The following TTC28 variants were observed in gnomAD, a reference collection of about 807,000 sequenced individuals.
The protein encoded by TTC28 is tetratricopeptide repeat protein 28.
A neutral mutation model predicts 198.0 loss-of-function variants in TTC28; 61 were observed. The ratio of observed to expected loss-of-function variants is 0.31; its 90% confidence interval spans 0.25 to 0.38. TTC28 has a LOEUF of 0.38. Among genes scored for constraint, TTC28 ranks in the 10% least tolerant of loss-of-function variants. The pLI is 1.00. For missense variants in TTC28, 2,678 were observed against 3,164.0 expected, an observed-to-expected ratio of 0.85 and a Z score of 3.69; for synonymous variants, 1,171 against 1,297.8, an observed-to-expected ratio of 0.90 and a Z score of 2.10.
chr22:28,171,040 A>G (rs1601424206), intron 5 of TTC28, among the ~76,000 whole-genome samples: 1 of 148,336 alleles, frequency 6.7e-6, no homozygotes, highest in South Asian at 2.1e-4. Context: ...TTTTTGTCTT[A>G]AAGGTTTTAA....
intron 2 of TTC28, among the ~76,000 whole-genome samples, chr22:28,489,947 A>C (rs1216388407): frequency 6.6e-6 from 1 of 152,160 alleles, no homozygotes; most frequent in Non-Finnish European, 1.5e-5. Flanking sequence ...GGAGCCAGAG[A>C]GCCAGTCTGA....
At chr22:28,184,119 T>C (rs1287517520) in intron 5 of TTC28, among the ~76,000 whole-genome samples, 1 of 152,140 alleles carries the variant, frequency 6.6e-6, no homozygotes. Flanking sequence ...TCCTTATCTA[T>C]AAAATGGGGG....
At chr22:28,035,588 A>G (rs1400293375) in intron 12 of TTC28, among the ~76,000 whole-genome samples, 1 of 152,216 alleles carries the variant, frequency 6.6e-6, no homozygotes, top group Non-Finnish European at 1.5e-5. Flanking sequence ...TACCATGGGC[A>G]CTTACTAGGT....
chr22:28,320,540 T>A (rs1275959898), intron 2 of TTC28, among the ~76,000 whole-genome samples: 2 of 152,210 alleles, frequency 1.3e-5, no homozygotes, highest in African/African-American at 2.4e-5. Flanking sequence ...CTTTGGCTTC[T>A]TATCAAATTT....
chr22:28,413,444 G>A (rs927549258), intron 2 of TTC28, among the ~76,000 whole-genome samples: 2 of 151,836 alleles, frequency 1.3e-5, no homozygotes, highest in Admixed American at 6.6e-5. Context: ...GTTTCTAGTC[G>A]TCTGATGTAC....
At chr22:28,345,842 A>C (rs1412703665) in intron 2 of TTC28, among the ~76,000 whole-genome samples, 2 of 152,226 alleles carry the variant, frequency 1.3e-5, no homozygotes, top group Non-Finnish European at 2.9e-5. Context: ...ACTGATATTA[A>C]AGTATTTAAA....
chr22:28,139,330 A>G lies in TTC28; in HGVS notation c.1441+23762T>C, dbSNP rs147204466. Among the ~76,000 whole-genome samples the G allele has an allele frequency of 1.0e-3, 152 of 152,346 alleles. 1 individual carries two copies. Among genetic ancestry groups the G allele is most frequent in the African/African-American group, 3.5e-3 (144 of 41,576 alleles). On this transcript the variant is annotated intron_variant, in intron 6 of 22. Coordinates refer to ENST00000397906, the MANE Select transcript of TTC28 (RefSeq NM_001145418.2). Reference sequence around the variant, plus strand: ...TGTAAGAAAGTAGCAACTGCTTCCAAGACCTGGTGAGCTCCATTTCTGTGG... The same window carrying G: ...TGTAAGAAAGTAGCAACTGCTTCCAGGACCTGGTGAGCTCCATTTCTGTGG...
intron 2 of TTC28, among the ~76,000 whole-genome samples, chr22:28,354,684 A>G (rs970143285): frequency 3.9e-5 from 6 of 152,162 alleles, no homozygotes; most frequent in Admixed American, 6.5e-5. Context: ...TATGTTATGC[A>G]TATTTTACCA....
Position 28,186,362 on chromosome 22 carries a change from C to T in TTC28, c.934-22763G>A, listed in dbSNP as rs546723688. ...CGGAATGAAAAGCTTTGAGAATGTT[C>T]CTAGCCTAGGTCTGGTTAATGTGTC... On this transcript the variant is annotated intron_variant, in intron 5 of 22. Coordinates refer to ENST00000397906, the MANE Select transcript of TTC28 (RefSeq NM_001145418.2). Among the ~76,000 whole-genome samples the T allele has an allele frequency of 3.9e-5, 6 of 152,240 alleles. No homozygotes were observed. In the East Asian group the frequency reaches 1.2e-3, roughly 29 times the overall value.
chr22:28,652,797 C>T (rs2051583552), intron 1 of TTC28, among the ~76,000 whole-genome samples: 1 of 152,124 alleles, frequency 6.6e-6, no homozygotes, highest in African/African-American at 2.4e-5. Flanking sequence ...AGATGAGACA[C>T]CAGGTTAAGC....
rs532224408 is a variant in TTC28, at chr22:28,603,767, A to G, written c.381+25785T>C. ...AGTCCTCTTGAAAACTGAAAACAGTATAATACTTCTGAAATATTAGTAAAT... is the reference window on the plus strand; with the variant it reads ...AGTCCTCTTGAAAACTGAAAACAGTGTAATACTTCTGAAATATTAGTAAAT... On this transcript the variant is annotated intron_variant, in intron 2 of 22. Coordinates refer to ENST00000397906, the MANE Select transcript of TTC28 (RefSeq NM_001145418.2). 2.0e-5 allele frequency among the ~76,000 whole-genome samples: 3 copies of G among 152,302 alleles called. No homozygotes were observed. The South Asian group carries it at 6.2e-4, about 32-fold the overall frequency.
At chr22:28,674,520 G>A (rs752837609) in intron 1 of TTC28, among the ~76,000 whole-genome samples, 10 of 152,100 alleles carry the variant, frequency 6.6e-5, no homozygotes, top group East Asian at 3.9e-4. Flanking sequence ...CATAAGATGC[G>A]TAAGAGTTAA....
At chr22:28,136,299 C>G (rs752184333) in intron 6 of TTC28, among the ~76,000 whole-genome samples, 11 of 152,074 alleles carry the variant, frequency 7.2e-5, no homozygotes, top group Non-Finnish European at 1.0e-4. Flanking sequence ...CATGCACCAC[C>G]ACACCCAGCT....
intron 2 of TTC28, among the ~76,000 whole-genome samples, chr22:28,341,659 G>C (rs1316484662): frequency 6.6e-6 from 1 of 151,968 alleles, no homozygotes; most frequent in Non-Finnish European, 1.5e-5. Flanking sequence ...GGGCGTGGTG[G>C]CATGCCTGTA....
intron 13 of TTC28, among the ~76,000 whole-genome samples, chr22:28,019,765 GC>G (rs369959453): frequency 7.4e-4 from 113 of 152,328 alleles, no homozygotes; most frequent in Admixed American, 1.4e-3. Flanking sequence ...ACTTCTCTTT[GC>G]CTCAGCTCTC....
intron 5 of TTC28, among the ~76,000 whole-genome samples, chr22:28,171,696 TTAGAAAA>T (rs1448751285): frequency 6.6e-6 from 1 of 151,842 alleles, no homozygotes; most frequent in African/African-American, 2.4e-5. Context: ...ACAAAAAGAC[TTAGAAAA>T]TAGAGAGGAA....
rs192381178 is a variant in TTC28 at position 28,262,846 on chromosome 22, G to A, written c.933+33352C>T. 1.2e-3 allele frequency among the ~76,000 whole-genome samples: 181 copies of A among 152,274 alleles called. 1 individual carries two copies. Among genetic ancestry groups the A allele is most frequent in the African/African-American group, 4.1e-3 (170 of 41,572 alleles). ...AGAGGATGGTTCCTACGATGAGAAT[G>A]ACTACCAGAAGCCAGACCTTTATGA... On this transcript the variant is annotated intron_variant, in intron 5 of 22. Coordinates refer to ENST00000397906, the MANE Select transcript of TTC28 (RefSeq NM_001145418.2).
At chr22:28,225,192 T>C (rs1310329605) in intron 5 of TTC28, among the ~76,000 whole-genome samples, 5 of 151,740 alleles carry the variant, frequency 3.3e-5, no homozygotes, top group Non-Finnish European at 5.9e-5. Flanking sequence ...CCATCTCTAC[T>C]AAAAATACAA....
intron 3 of TTC28, among the ~76,000 whole-genome samples, chr22:28,304,204 GA>G (rs2045087798): frequency 6.6e-6 from 1 of 151,846 alleles, no homozygotes; most frequent in Non-Finnish European, 1.5e-5. Flanking sequence ...AGAATGGCGT[GA>G]ACCCGGGAGG....
Sources: allele counts gnomAD v4.1 joint callset (sites outside exome capture counted in the v4.1 genomes callset), GRCh38; gene constraint gnomAD v4.1.1; transcripts MANE v1.5; gene names NCBI Gene and HGNC (gene_info 2026-07-23, HGNC 2026-07-21).